Variants in COL4A1 observed in about 807,000 individuals in gnomAD.
COL4A1 encodes collagen alpha-1(IV) chain.
Under a neutral mutation model 216.6 loss-of-function variants are expected in COL4A1, and 40 were observed. The observed-to-expected ratio is 0.18, with a 90% CI of 0.14 to 0.24. COL4A1 has a LOEUF of 0.24. Ranked by LOEUF, COL4A1 falls within the 10% of genes least tolerant of loss-of-function variation. The pLI, the probability that COL4A1 is intolerant of heterozygous loss-of-function variation, is 1.00. For missense variants in COL4A1, 1,628 were observed against 2,196.8 expected, an observed-to-expected ratio of 0.74 and a Z score of 5.18; for synonymous variants, 839 against 810.7, an observed-to-expected ratio of 1.03 and a Z score of -0.59.
chr13:110,306,872 C>T, intron 1 of COL4A1, 72 bp downstream of exon 1: 1 of 1,358,122 alleles, frequency 7.4e-7, no homozygotes, highest in Non-Finnish European at 9.6e-7. Context: ...GGTCCAGGCG[C>T]GGACAAAGGG....
intron 1 of COL4A1, among the ~76,000 whole-genome samples, chr13:110,246,154 A>C (rs534521150): frequency 3.3e-5 from 5 of 152,178 alleles, no homozygotes; most frequent in African/African-American, 9.6e-5. Flanking sequence ...TAAAAAAAAA[A>C]AACAAAAAAG....
Position 110,153,899 on chromosome 13 carries a change from C to T in COL4A1, c.4755+1384G>A, listed in dbSNP as rs545537413. ...AATGGTGGGCGCCTCGCACACAGCA[C>T]GTCTGGAAGGTGGAACAGAGACCCT... On this transcript the variant is annotated intron_variant, in intron 50 of 51. Coordinates refer to ENST00000375820, the MANE Select transcript of COL4A1 (RefSeq NM_001845.6). Among the ~76,000 whole-genome samples the T allele has an allele frequency of 2.6e-5, 4 of 152,278 alleles. No homozygotes were observed. The South Asian group carries it at 6.2e-4, about 24-fold the overall frequency.
chr13:110,221,258 C>G (rs1486443910), intron 2 of COL4A1, among the ~76,000 whole-genome samples: 1 of 152,140 alleles, frequency 6.6e-6, no homozygotes, highest in Non-Finnish European at 1.5e-5. Flanking sequence ...CTGATAGATC[C>G]ACATTTACAA....
intron 2 of COL4A1, among the ~76,000 whole-genome samples, chr13:110,237,380 C>T (rs536195): frequency 0.78 from 119,206 of 152,006 alleles, 47,452 homozygotes; most frequent in East Asian, 0.99. Flanking sequence ...GGTGAGTCTG[C>T]ACCCCCCACC....
intron 41 of COL4A1, among the ~76,000 whole-genome samples, 180 bp downstream of exon 41, chr13:110,172,540 A>G (rs1877694047): frequency 6.6e-6 from 1 of 152,206 alleles, no homozygotes; most frequent in Non-Finnish European, 1.5e-5. Context: ...TTGATCCATT[A>G]ATTAGAAGGG....
At chr13:110,219,781 CGTATATAT>C (rs1880322896) in intron 2 of COL4A1, among the ~76,000 whole-genome samples, 1 of 97,186 alleles carries the variant, frequency 1.0e-5, no homozygotes, top group African/African-American at 3.3e-5. Context: ...TATATATATG[CGTATATAT>C]GTGTATATAT....
intron 1 of COL4A1, among the ~76,000 whole-genome samples, chr13:110,243,277 C>T (rs990806779): frequency 7.9e-5 from 12 of 151,934 alleles, no homozygotes; most frequent in African/African-American, 2.9e-4. Context: ...AAAGCTTGAA[C>T]GTCACATTAA....
At position 110,194,729 on chromosome 13, in the gene COL4A1, T is replaced by C. The variant is rs147468653; in HGVS notation, c.1381+294A>G. 5.9e-5 allele frequency among the ~76,000 whole-genome samples: 9 copies of C among 152,324 alleles called. No individual in the cohort carries two copies. The East Asian group carries it at 1.7e-3, about 29-fold the overall frequency. On this transcript the variant is annotated intron_variant, in intron 22 of 51. Transcript: ENST00000375820. ...GAAAGATTGCGGTAACAAATCAGTC[T>C]GAGTTTTATCTGCTGACCACGCCCA...
At chr13:110,206,963 AC>A in intron 13 of COL4A1, 72 bp from the exon 14 acceptor site, 1 of 1,432,094 alleles carries the variant, frequency 7.0e-7, no homozygotes, top group Admixed American at 2.0e-5. Context: ...CATTAAACAC[AC>A]AGCAGAAAAA....
intron 43 of COL4A1, 149 bp from the exon 44 acceptor site, chr13:110,167,379 C>A: frequency 1.4e-6 from 1 of 735,790 alleles, no homozygotes; most frequent in African/African-American, 1.7e-5. Context: ...TCTTAAATGA[C>A]AGAATAACAA....
chr13:110,287,174 G>A (rs1038684555), intron 1 of COL4A1, among the ~76,000 whole-genome samples: 2 of 152,306 alleles, frequency 1.3e-5, no homozygotes, highest in Admixed American at 6.5e-5. Context: ...ATGCAGAGAC[G>A]CACTTTTCCC....
At chr13:110,200,962 T>C in intron 19 of COL4A1, 73 bp from the exon 20 acceptor site, 1 of 1,526,882 alleles carries the variant, frequency 6.5e-7, no homozygotes, top group Non-Finnish European at 9.1e-7. Flanking sequence ...ATTTCTCTAC[T>C]GAAAGCCTTG....
intron 2 of COL4A1, among the ~76,000 whole-genome samples, chr13:110,234,967 T>A (rs1001092529): frequency 6.6e-6 from 1 of 152,378 alleles, no homozygotes; most frequent in Non-Finnish European, 1.5e-5. Context: ...AAGCTTATAT[T>A]TATTTTTTAA....
At chr13:110,210,254 C>T in intron 8 of COL4A1, 42 bp from the exon 9 acceptor site, 1 of 1,583,476 alleles carries the variant, frequency 6.3e-7, no homozygotes, top group Non-Finnish European at 8.7e-7. Context: ...CAAATATCGA[C>T]ATTCATGTAA....
chr13:110,205,549 A>T lies in COL4A1; in HGVS notation c.859-11T>A, dbSNP rs1272150341. On this transcript the variant is annotated splice_polypyrimidine_tract_variant and intron_variant, in intron 15 of 51. Coordinates refer to ENST00000375820, the MANE Select transcript of COL4A1 (RefSeq NM_001845.6). ...TTTTCCGGGTTTGCCCTGTAGAATAAAGATGTAAACGTTAGTATTTAATAA... is the reference window on the plus strand; with the variant it reads ...TTTTCCGGGTTTGCCCTGTAGAATATAGATGTAAACGTTAGTATTTAATAA... 1 of 1,612,068 alleles carries T rather than the reference A, an allele frequency of 6.2e-7. No homozygotes were observed. Among genetic ancestry groups the T allele is most frequent in the Non-Finnish European group, 8.5e-7 (1 of 1,179,350 alleles).
chr13:110,296,557 A>G (rs1266757139), intron 1 of COL4A1, among the ~76,000 whole-genome samples: 1 of 152,210 alleles, frequency 6.6e-6, no homozygotes, highest in Non-Finnish European at 1.5e-5. Flanking sequence ...CTCTCACAAC[A>G]AGCTTCTGAC....
intron 1 of COL4A1, among the ~76,000 whole-genome samples, chr13:110,251,747 C>T (rs1015733731): frequency 2.0e-5 from 3 of 152,152 alleles, no homozygotes; most frequent in African/African-American, 4.8e-5. Flanking sequence ...AGGTGCAAGC[C>T]GGTACAGAAT....
intron 2 of COL4A1, among the ~76,000 whole-genome samples, chr13:110,240,981 T>G (rs572733378): frequency 1.3e-5 from 2 of 152,318 alleles, no homozygotes; most frequent in East Asian, 3.9e-4. Context: ...GCAATTCTCC[T>G]GTCTCAACCT....
At chr13:110,202,808 C>T (rs1879308829) in intron 18 of COL4A1, among the ~76,000 whole-genome samples, 1 of 152,100 alleles carries the variant, frequency 6.6e-6, no homozygotes, top group Non-Finnish European at 1.5e-5. Flanking sequence ...GTATGTTGAC[C>T]AGTAGTAAAA....
Sources: allele counts gnomAD v4.1 joint callset (sites outside exome capture counted in the v4.1 genomes callset), GRCh38; gene constraint gnomAD v4.1.1; transcripts MANE v1.5; gene names NCBI Gene and HGNC (gene_info 2026-07-23, HGNC 2026-07-21).